The following GAP43 variants were observed in gnomAD, a reference collection of about 807,000 sequenced individuals.
GAP43 encodes neuromodulin.
A neutral mutation model predicts 18.6 loss-of-function variants in GAP43; 6 were observed. The ratio of observed to expected loss-of-function variants is 0.32; its 90% CI spans 0.18 to 0.64. The LOEUF (loss-of-function observed/expected upper bound fraction) is 0.64, where lower values mean the gene tolerates loss of function less well. GAP43 is among the 30% of genes least tolerant of loss of function. The pLI, the probability that GAP43 is intolerant of heterozygous loss-of-function variation, is 0.78. For synonymous variants in GAP43, 115 were observed against 111.4 expected, an observed-to-expected ratio of 1.03 and a Z score of -0.20; for missense variants, 292 against 295.5, an observed-to-expected ratio of 0.99 and a Z score of 0.09.
At position 115,676,120 on chromosome 3, in the gene GAP43, A is replaced by G. The variant is rs1428244335; in HGVS notation, c.138A>G (p.Ile46Met). 1 of 1,614,076 alleles carries G rather than the reference A, an allele frequency of 6.2e-7. No homozygotes were observed. Among genetic ancestry groups the G allele is most frequent in the African/African-American group, 1.3e-5 (1 of 74,928 alleles). The change falls in exon 2 of 3, where the codon ATA (isoleucine) becomes ATG (methionine). Residue 46 changes from isoleucine to methionine, a missense_variant. Ile to Met is a conservative substitution (Grantham distance 10, BLOSUM62 1). Coordinates refer to ENST00000305124, the MANE Select transcript of GAP43 (RefSeq NM_002045.4). Reference sequence around the variant, plus strand: ...TTCAGGCTAGCTTCCGTGGACACATAACAAGGAAAAAGCTCAAAGGAGAGA... The same window carrying G: ...TTCAGGCTAGCTTCCGTGGACACATGACAAGGAAAAAGCTCAAAGGAGAGA... ...TKIQASFRGH[I>M]TRKKLKGEKK...
At chr3:115,662,167 A>G (rs1559794731) in intron 1 of GAP43, among the ~76,000 whole-genome samples, 1 of 152,196 alleles carries the variant, frequency 6.6e-6, no homozygotes, top group African/African-American at 2.4e-5. Context: ...AAATATGAGA[A>G]TAGTACTTCT....
chr3:115,623,739 ACTT>A lies in GAP43; in HGVS notation c.30+24_30+26del, dbSNP rs1246147716. 1 of 1,613,968 alleles carries A rather than the reference ACTT, an allele frequency of 6.2e-7. No individual in the cohort carries two copies. The highest frequency in any genetic ancestry group is 1.7e-5 in the Admixed American group (1 of 60,028). ...AAACAGGTAGAGCTAAAGATTTTTT[ACTT>A]CTTGCTGTTGTGAAATAACCCGAGT... On this transcript the variant is annotated intron_variant, in intron 1 of 2. Transcript: ENST00000305124.
At chr3:115,656,231 T>C (rs182037897) in intron 1 of GAP43, among the ~76,000 whole-genome samples, 151 of 152,352 alleles carry the variant, frequency 9.9e-4, no homozygotes, top group Middle Eastern at 3.4e-3. Flanking sequence ...ATAGTGATTC[T>C]TGGTCATTTG....
chr3:115,624,307 T>C (rs1000835454), intron 1 of GAP43, among the ~76,000 whole-genome samples: 7 of 152,110 alleles, frequency 4.6e-5, no homozygotes, highest in Non-Finnish European at 1.0e-4. Flanking sequence ...TAGATTTTTT[T>C]TTTTTTTAAG....
At chr3:115,716,088 A>ATACTT (rs1482556838) in intron 2 of GAP43, among the ~76,000 whole-genome samples, 2 of 152,212 alleles carry the variant, frequency 1.3e-5, no homozygotes, top group Non-Finnish European at 2.9e-5. Context: ...CTATAGCTAA[A>ATACTT]TACTTTATAC....
intron 1 of GAP43, among the ~76,000 whole-genome samples, chr3:115,628,511 T>A (rs1708220282): frequency 6.6e-6 from 1 of 152,138 alleles, no homozygotes; most frequent in Non-Finnish European, 1.5e-5. Context: ...TTGATTTTCA[T>A]AATTTCACTG....
intron 1 of GAP43, among the ~76,000 whole-genome samples, chr3:115,669,115 ACT>A (rs1161323606): frequency 2.2e-4 from 33 of 151,596 alleles, no homozygotes; most frequent in African/African-American, 7.3e-4. Context: ...TATTGATATG[ACT>A]CTAACGAGTC....
At chr3:115,674,329 T>A (rs1708853165) in intron 1 of GAP43, among the ~76,000 whole-genome samples, 1 of 152,198 alleles carries the variant, frequency 6.6e-6, no homozygotes, top group Non-Finnish European at 1.5e-5. Flanking sequence ...ATGGAGACTA[T>A]CAGTAGCCAT....
intron 1 of GAP43, among the ~76,000 whole-genome samples, chr3:115,625,389 C>G (rs1407258638): frequency 1.3e-5 from 2 of 152,010 alleles, no homozygotes; most frequent in African/African-American, 4.8e-5. Context: ...CATTTTCTCT[C>G]TGTGTCCTCC....
intron 2 of GAP43, among the ~76,000 whole-genome samples, chr3:115,696,679 A>G (rs1007518335): frequency 1.1e-4 from 16 of 145,284 alleles, no homozygotes; most frequent in African/African-American, 4.1e-4. Flanking sequence ...TATAGAGTTC[A>G]CTCTCTAACC....
In GAP43 at chr3:115,696,583, C is replaced by CG. The variant is rs1342837309; in HGVS notation, c.628+19973_628+19974insG. Among the ~76,000 whole-genome samples the CG allele has an allele frequency of 5.6e-5, 7 of 125,166 alleles. 1 individual carries two copies. Among genetic ancestry groups the CG allele is most frequent in the Admixed American group, 1.6e-4 (2 of 12,436 alleles). 82.1% of individuals were successfully genotyped at this position (125,166 alleles called of 152,430 possible). A position where few individuals can be genotyped will look rare whatever the true frequency, so the allele number is the denominator to read the frequency against. On this transcript the variant is annotated intron_variant, in intron 2 of 2. Transcript: ENST00000305124. ...TTTCCTTGCTGCCCCCCACCGCCCC[C>CG]CCCCCCCACAAACAGGTATGCTCAT...
At chr3:115,659,991 T>A (rs369275668) in intron 1 of GAP43, among the ~76,000 whole-genome samples, 2 of 152,178 alleles carry the variant, frequency 1.3e-5, no homozygotes, top group South Asian at 4.1e-4. Context: ...GAGACATTTC[T>A]TTAGAATCTT....
chr3:115,695,283 A>G (rs1024652358), intron 2 of GAP43, among the ~76,000 whole-genome samples: 1 of 152,220 alleles, frequency 6.6e-6, no homozygotes, highest in African/African-American at 2.4e-5. Context: ...AGGTGGTTCA[A>G]TGCAAGTCTG....
intron 1 of GAP43, among the ~76,000 whole-genome samples, chr3:115,643,654 A>G (rs192773027): frequency 6.6e-6 from 1 of 152,030 alleles, no homozygotes; most frequent in African/African-American, 2.4e-5. Context: ...TTTACATCTT[A>G]TCAAGGAGTT....
At chr3:115,661,620 C>T (rs1166873037) in intron 1 of GAP43, among the ~76,000 whole-genome samples, 3 of 152,104 alleles carry the variant, frequency 2.0e-5, no homozygotes, top group Non-Finnish European at 4.4e-5. Flanking sequence ...TCCCGAGTAG[C>T]CGGGACTACA....
intron 2 of GAP43, among the ~76,000 whole-genome samples, chr3:115,686,715 C>A (rs964426909): frequency 1.3e-5 from 2 of 152,024 alleles, no homozygotes; most frequent in Non-Finnish European, 2.9e-5. Flanking sequence ...TTATTATGTT[C>A]TTTCATAAGA....
chr3:115,695,433 A>C (rs899667555), intron 2 of GAP43, among the ~76,000 whole-genome samples: 1 of 152,202 alleles, frequency 6.6e-6, no homozygotes, highest in African/African-American at 2.4e-5. Flanking sequence ...GAATTAAGAG[A>C]AGTGACAATA....
intron 2 of GAP43, among the ~76,000 whole-genome samples, chr3:115,688,871 T>C (rs1282892244): frequency 6.6e-6 from 1 of 152,220 alleles, no homozygotes; most frequent in Non-Finnish European, 1.5e-5. Context: ...AATGCTTGCC[T>C]ACTTTTTGCA....
intron 2 of GAP43, among the ~76,000 whole-genome samples, chr3:115,716,965 C>T (rs552965472): frequency 2.0e-5 from 3 of 151,532 alleles, no homozygotes; most frequent in South Asian, 2.1e-4. Flanking sequence ...GTTTCAGTGC[C>T]GAATTGCTAA....
Sources: allele counts gnomAD v4.1 joint callset (sites outside exome capture counted in the v4.1 genomes callset), GRCh38; gene constraint gnomAD v4.1.1; transcripts MANE v1.5; gene names NCBI Gene and HGNC (gene_info 2026-07-23, HGNC 2026-07-21).